TNFSF4: variants seen among roughly 807,000 people sequenced by gnomAD.
TNFSF4 encodes tumor necrosis factor ligand superfamily member 4.
A neutral mutation model predicts 7.3 loss-of-function variants in TNFSF4; 4 were observed. The ratio of observed to expected loss-of-function variants is 0.55; its 90% CI spans 0.27 to 1.25. The LOEUF (loss-of-function observed/expected upper bound fraction) is 1.25. TNFSF4 is among the 50% of genes most tolerant of loss of function. The pLI is 0.12. For synonymous variants in TNFSF4, 76 were observed against 83.7 expected (o/e 0.91, Z 0.50); for missense variants, 181 against 208.8 (o/e 0.87, Z 0.82).
chr1:173,289,514 A>C, the TNFSF4 span, among the ~76,000 whole-genome samples: 1 of 152,220 alleles, frequency 6.6e-6, no homozygotes, highest in Non-Finnish European at 1.5e-5. Context: ...TCCAGCATAT[A>C]ATAAAAATTA....
the TNFSF4 span, among the ~76,000 whole-genome samples, chr1:173,232,539 C>T: frequency 6.6e-6 from 1 of 152,182 alleles, no homozygotes; most frequent in Non-Finnish European, 1.5e-5. Context: ...GCATCCCTGT[C>T]TTGTGCCAGT....
At chr1:173,228,060 T>C in the TNFSF4 span, among the ~76,000 whole-genome samples, 1 of 152,114 alleles carries the variant, frequency 6.6e-6, no homozygotes, top group African/African-American at 2.4e-5. Flanking sequence ...GAATTAAATG[T>C]CCCTGTTTGA....
chr1:173,363,304 T>C, the TNFSF4 span: 5 of 288,216 alleles, frequency 1.7e-5, no homozygotes, highest in Non-Finnish European at 3.5e-5. Context: ...ATTTCACATG[T>C]ATTCCAATTG....
chr1:173,334,636 T>G, the TNFSF4 span, among the ~76,000 whole-genome samples: 1 of 152,084 alleles, frequency 6.6e-6, no homozygotes, highest in Non-Finnish European at 1.5e-5. Flanking sequence ...ATTCTGAAAG[T>G]TGGAATGGGG....
At chr1:173,383,476 T>A in the TNFSF4 span, among the ~76,000 whole-genome samples, 1 of 152,224 alleles carries the variant, frequency 6.6e-6, no homozygotes, top group Admixed American at 6.5e-5. Flanking sequence ...AGCTGATATG[T>A]CTGTCTGTGG....
chr1:173,253,804 A>G, the TNFSF4 span, among the ~76,000 whole-genome samples: 2 of 152,180 alleles, frequency 1.3e-5, no homozygotes, highest in African/African-American at 4.8e-5. Flanking sequence ...GTTTTTTTCT[A>G]TTAGAAATTT....
the TNFSF4 span, among the ~76,000 whole-genome samples, chr1:173,449,791 C>T: frequency 1.4e-3 from 219 of 152,136 alleles, 1 homozygote; most frequent in Middle Eastern, 6.8e-3. Context: ...GCATTTAAAA[C>T]GGTGATTTAG....
chr1:173,331,395 T>C, the TNFSF4 span, among the ~76,000 whole-genome samples: 1 of 152,214 alleles, frequency 6.6e-6, no homozygotes, highest in South Asian at 2.1e-4. Flanking sequence ...CAATGACGCA[T>C]CTTCAAGAGG....
At chr1:173,447,697 T>G in the TNFSF4 span, among the ~76,000 whole-genome samples, 1 of 151,636 alleles carries the variant, frequency 6.6e-6, no homozygotes, top group African/African-American at 2.4e-5. Flanking sequence ...GCAAACATAG[T>G]GAGACATCAA....
chr1:173,320,132 C>A, the TNFSF4 span, among the ~76,000 whole-genome samples: 1 of 152,160 alleles, frequency 6.6e-6, no homozygotes, highest in Non-Finnish European at 1.5e-5. Context: ...AGCTTATCCA[C>A]CACAATCAAG....
At chr1:173,424,854 A>G in the TNFSF4 span, among the ~76,000 whole-genome samples, 1 of 152,372 alleles carries the variant, frequency 6.6e-6, no homozygotes, top group East Asian at 1.9e-4. Context: ...CAGGCAAATT[A>G]CTTAAATCCT....
the TNFSF4 span, among the ~76,000 whole-genome samples, chr1:173,271,316 T>A: frequency 6.6e-6 from 1 of 152,148 alleles, no homozygotes; most frequent in Non-Finnish European, 1.5e-5. Context: ...CTTGAAAGAA[T>A]TTTTGTACAA....
the TNFSF4 span, among the ~76,000 whole-genome samples, chr1:173,398,431 T>TTTTTTTTTTTTTTTG: frequency 8.0e-6 from 1 of 124,466 alleles, no homozygotes; most frequent in African/African-American, 3.1e-5. Context: ...TTTTTTTTTT[T>TTTTTTTTTTTTTTTG]GTTCTCTTTT....
chr1:173,251,504 G>T, the TNFSF4 span, among the ~76,000 whole-genome samples: 135 of 152,344 alleles, frequency 8.9e-4, no homozygotes, highest in Middle Eastern at 3.4e-3. Flanking sequence ...AATCTCACAT[G>T]TGGGAAGGGC....
At chr1:173,369,274 C>A in the TNFSF4 span, among the ~76,000 whole-genome samples, 1 of 152,172 alleles carries the variant, frequency 6.6e-6, no homozygotes, top group Non-Finnish European at 1.5e-5. Flanking sequence ...GGTCCCAATA[C>A]TAACAGAAGA....
the TNFSF4 span, among the ~76,000 whole-genome samples, chr1:173,298,804 T>C: frequency 6.6e-6 from 1 of 151,982 alleles, no homozygotes; most frequent in Non-Finnish European, 1.5e-5. Context: ...ACTTGTTCTA[T>C]GGTAAGTGGC....
At chr1:173,313,805 G>A in the TNFSF4 span, among the ~76,000 whole-genome samples, 3 of 152,004 alleles carry the variant, frequency 2.0e-5, no homozygotes, top group Non-Finnish European at 4.4e-5. Context: ...ATTTGGAACT[G>A]TCTAGTCACT....
chr1:173,245,333 T>C, the TNFSF4 span, among the ~76,000 whole-genome samples: 1 of 152,218 alleles, frequency 6.6e-6, no homozygotes, highest in Non-Finnish European at 1.5e-5. Flanking sequence ...TAATTTCTCA[T>C]TGAGACAATA....
the TNFSF4 span, among the ~76,000 whole-genome samples, chr1:173,416,608 T>TTTTTTTTATTTATTTATTTA: frequency 3.4e-3 from 412 of 121,986 alleles, 2 homozygotes; most frequent in African/African-American, 9.4e-3. Flanking sequence ...ATTTTTTTAT[T>TTTTTTTTATTTATTTATTTA]TTTATTTATT....
Sources: allele counts gnomAD v4.1 joint callset (sites outside exome capture counted in the v4.1 genomes callset), GRCh38; gene constraint gnomAD v4.1.1; transcripts MANE v1.5; gene names NCBI Gene and HGNC (gene_info 2026-07-23, HGNC 2026-07-21).